Variants in CDS2 observed in about 807,000 individuals in gnomAD.
CDS2 encodes CDP-diacylglycerol synthase 2.
A neutral mutation model predicts 59.0 loss-of-function variants in CDS2; 47 were observed. The ratio of observed to expected loss-of-function variants is 0.80; its 90% confidence interval spans 0.63 to 1.02. The LOEUF (loss-of-function observed/expected upper bound fraction) is 1.02, where lower values mean the gene tolerates loss of function less well. Among genes scored for constraint, CDS2 ranks in the 50% least tolerant of loss-of-function variants. CDS2 has a pLI of 0.00. For missense variants in CDS2, 356 were observed against 558.9 expected, an observed-to-expected ratio of 0.64 and a Z score of 3.66; for synonymous variants, 207 against 206.4, an observed-to-expected ratio of 1.00 and a Z score of -0.02.
chr20:5,177,411 A>G (rs1321416819), intron 4 of CDS2, among the ~76,000 whole-genome samples: 1 of 152,048 alleles, frequency 6.6e-6, no homozygotes, highest in Non-Finnish European at 1.5e-5. Flanking sequence ...GGCTGAATGC[A>G]TGGGATCTGG....
rs1054353343 is a variant in CDS2 at position 5,184,671 on chromosome 20, A to G, written c.672-187A>G. On this transcript the variant is annotated intron_variant, in intron 7 of 12. Transcript: ENST00000460006. The surrounding 1 kb of genome is among the most constrained non-coding windows in gnomAD (Gnocchi z 4.3). ...GTAGTCATTCAGTAAACACTTGAAT[A>G]TGTACTCTGTGCTAGGTACTAGGTA... Among the ~76,000 whole-genome samples, 24 of 152,220 alleles carry G rather than the reference A, an allele frequency of 1.6e-4. No homozygotes were observed. The highest frequency in any genetic ancestry group is 3.1e-4 in the Non-Finnish European group (21 of 68,044).
intron 4 of CDS2, among the ~76,000 whole-genome samples, chr20:5,178,342 G>C (rs917146817): frequency 6.6e-6 from 1 of 152,198 alleles, no homozygotes; most frequent in African/African-American, 2.4e-5. Context: ...ATTTGAGCAA[G>C]GAGTGAAGAA....
chr20:5,128,528 C>G (rs2090575671), intron 1 of CDS2: 1 of 152,132 alleles, frequency 6.6e-6, no homozygotes, highest in African/African-American at 2.4e-5. Context: ...GCCTGTAATC[C>G]TAGCTTCTAG....
intron 1 of CDS2, among the ~76,000 whole-genome samples, chr20:5,167,562 A>AT (rs1293336783): frequency 1.3e-5 from 2 of 151,970 alleles, no homozygotes; most frequent in African/African-American, 4.8e-5. Context: ...ATATATGTAT[A>AT]TTTTTTTTCA....
At chr20:5,132,130 C>T (rs2090612589) in intron 1 of CDS2, among the ~76,000 whole-genome samples, 1 of 151,244 alleles carries the variant, frequency 6.6e-6, no homozygotes, top group Non-Finnish European at 1.5e-5. Flanking sequence ...TGGAGTCTCG[C>T]TGTGCCACCC....
chr20:5,143,425 C>A (rs1248872659), intron 1 of CDS2, among the ~76,000 whole-genome samples: 2 of 152,146 alleles, frequency 1.3e-5, no homozygotes, highest in Non-Finnish European at 2.9e-5. Context: ...CCAAGCAGTT[C>A]CACTCTTAGG....
At chr20:5,129,050 A>C (rs1250643956) in intron 1 of CDS2, among the ~76,000 whole-genome samples, 2 of 152,132 alleles carry the variant, frequency 1.3e-5, no homozygotes, top group Non-Finnish European at 2.9e-5. Context: ...TGTACTTTAG[A>C]CTGGGAGGAC....
chr20:5,187,128 A>G (rs924500999), intron 10 of CDS2: 2 of 358,116 alleles, frequency 5.6e-6, no homozygotes, highest in South Asian at 7.4e-5. Context: ...TGAGGTCACA[A>G]CTGTTTCATA....
Position 5,129,491 on chromosome 20 carries a change from G to A in CDS2, c.57+2342G>A, listed in dbSNP as rs1257572735. On this transcript the variant is annotated intron_variant, in intron 1 of 12. Transcript: ENST00000460006. ...GGAGTTTCGCTCTTTTGCCCAGGCT[G>A]GAGTGCAATGGCATGATGTTGGCTC... 2.0e-5 allele frequency among the ~76,000 whole-genome samples: 3 copies of A among 151,076 alleles called. No homozygotes were observed. The East Asian group carries it at 5.8e-4, about 29-fold the overall frequency.
At chr20:5,175,452 G>A in intron 3 of CDS2, 173 bp downstream of exon 3, 1 of 577,880 alleles carries the variant, frequency 1.7e-6, no homozygotes, top group African/African-American at 1.9e-5. Context: ...CCACCTGGAG[G>A]GTCATTGGTG....
chr20:5,134,355 C>T (rs767440300), intron 1 of CDS2, among the ~76,000 whole-genome samples: 17 of 152,106 alleles, frequency 1.1e-4, no homozygotes, highest in East Asian at 1.9e-4. Context: ...CTGCTATGGA[C>T]GGTGTCTGTA....
chr20:5,188,931 G>C, intron 10 of CDS2, 136 bp from the exon 11 acceptor site: 1 of 1,053,828 alleles, frequency 9.5e-7, no homozygotes, highest in South Asian at 1.4e-5. Flanking sequence ...TTGCCCCTGT[G>C]ACCCAAACAC....
intron 1 of CDS2, among the ~76,000 whole-genome samples, chr20:5,150,364 C>G (rs568875030): frequency 1.2e-4 from 18 of 152,304 alleles, no homozygotes; most frequent in African/African-American, 4.3e-4. Flanking sequence ...GGAGTTTGAA[C>G]CCAGGTGTGC....
chr20:5,173,884 C>T (rs2090974990), intron 2 of CDS2, among the ~76,000 whole-genome samples: 1 of 152,146 alleles, frequency 6.6e-6, no homozygotes, highest in Non-Finnish European at 1.5e-5. Flanking sequence ...AAGGATCTGG[C>T]CCCGGAAGGG....
intron 1 of CDS2, among the ~76,000 whole-genome samples, chr20:5,145,016 C>T (rs902992405): frequency 3.9e-5 from 6 of 152,124 alleles, no homozygotes; most frequent in African/African-American, 1.4e-4. Flanking sequence ...TCCTCCCTTT[C>T]CCCTCCAACT....
At chr20:5,168,417 C>CCCAAA (rs1568538229) in intron 1 of CDS2, among the ~76,000 whole-genome samples, 2 of 71,536 alleles carry the variant, frequency 2.8e-5, no homozygotes, top group Non-Finnish European at 5.9e-5. Context: ...TCTGTCCCCC[C>CCCAAA]AAAAAAAAAA....
At chr20:5,161,516 C>G (rs968070154) in intron 1 of CDS2, among the ~76,000 whole-genome samples, 1 of 152,190 alleles carries the variant, frequency 6.6e-6, no homozygotes, top group Non-Finnish European at 1.5e-5. Flanking sequence ...ATAACTGACA[C>G]ATACATTGAG....
chr20:5,153,194 AC>A (rs1441662509), intron 1 of CDS2, among the ~76,000 whole-genome samples: 1 of 152,224 alleles, frequency 6.6e-6, no homozygotes, highest in African/African-American at 2.4e-5. Context: ...AGGAAGCAGT[AC>A]TTACTGTTTG....
Position 5,197,346 on chromosome 20 carries a change from C to A in CDS2, c.*7112C>A, listed in dbSNP as rs548697371. The A allele has an allele frequency of 6.6e-6, 1 of 151,824 alleles. No homozygotes were observed. Among genetic ancestry groups the A allele is most frequent in the Non-Finnish European group, 1.5e-5 (1 of 67,910 alleles). 9.4% of individuals were successfully genotyped at this position (151,824 alleles called of 1,614,324 possible). A position where few individuals can be genotyped will look rare whatever the true frequency, so the allele number is the denominator to read the frequency against. ...TTCCCAAACACAGAAAGGGCCTCCC[C>A]ACCTGCTTTGGGGAGCTGTCTGTGC... On this transcript the variant is annotated 3_prime_UTR_variant, in exon 13 of 13. Transcript: ENST00000460006.
Sources: gnomAD v4.1 joint callset for allele counts (sites outside exome capture counted in the v4.1 genomes callset) on GRCh38, gnomAD v4.1.1 for gene constraint, Gnocchi (gnomAD v3.1) non-coding constraint, MANE v1.5 for transcripts, NCBI Gene and HGNC (gene_info 2026-07-23, HGNC 2026-07-21) for gene names.